Variants in SDK1 observed in about 807,000 individuals in gnomAD.
SDK1 encodes protein sidekick-1.
In SDK1, 157 loss-of-function variants were observed where a neutral mutation model predicts 245.5. That is an observed-to-expected ratio of 0.64 (90% CI 0.56 to 0.73). SDK1 has a LOEUF of 0.73. Among genes scored for constraint, SDK1 ranks in the 30% least tolerant of loss-of-function variants. The pLI, the probability that SDK1 is intolerant of heterozygous loss-of-function variation, is 0.00. For synonymous variants in SDK1, 1,647 were observed against 1,278.5 expected, an observed-to-expected ratio of 1.29 and a Z score of -6.15; for missense variants, 3,583 against 3,002.3, an observed-to-expected ratio of 1.19 and a Z score of -4.52.
At chr7:3,636,614 C>T (rs1231721718) in intron 2 of SDK1, among the ~76,000 whole-genome samples, 2 of 152,214 alleles carry the variant, frequency 1.3e-5, no homozygotes, top group Non-Finnish European at 2.9e-5. Flanking sequence ...TCAGCAGACT[C>T]CTGGGTTGTT....
chr7:3,604,956 C>CAGGT (rs1781374467), intron 1 of SDK1, among the ~76,000 whole-genome samples: 1 of 151,932 alleles, frequency 6.6e-6, no homozygotes, highest in Admixed American at 6.6e-5. Context: ...ATTCAGTTTC[C>CAGGT]AGGTCTTTGG....
chr7:3,343,142 T>C (rs372645733), intron 1 of SDK1, among the ~76,000 whole-genome samples: 3 of 152,166 alleles, frequency 2.0e-5, no homozygotes, highest in African/African-American at 7.2e-5. Context: ...AGAACTATGA[T>C]ACAACTTGGC....
At chr7:4,138,257 C>G (rs531515132) in intron 28 of SDK1, among the ~76,000 whole-genome samples, 1 of 152,096 alleles carries the variant, frequency 6.6e-6, no homozygotes, top group African/African-American at 2.4e-5. Flanking sequence ...GAGGGGAGGG[C>G]GACCCCACTG....
chr7:3,464,203 G>A (rs919335193), intron 1 of SDK1, among the ~76,000 whole-genome samples: 6 of 152,170 alleles, frequency 3.9e-5, no homozygotes, highest in African/African-American at 1.4e-4. Context: ...TTTGGGGACA[G>A]AGTAACTTTT....
At chr7:3,318,777 T>C (rs1203123173) in intron 1 of SDK1, among the ~76,000 whole-genome samples, 1 of 152,214 alleles carries the variant, frequency 6.6e-6, no homozygotes, top group Non-Finnish European at 1.5e-5. Flanking sequence ...TTGTTGGTTT[T>C]AGTACTAGAA....
chr7:3,352,529 A>ACCAGCTGTGCCTGTAGT (rs1780687017), intron 1 of SDK1, among the ~76,000 whole-genome samples: 1 of 152,080 alleles, frequency 6.6e-6, no homozygotes, highest in Non-Finnish European at 1.5e-5. Flanking sequence ...AGGCTGATAG[A>ACCAGCTGTGCCTGTAGT]CCAGCTGTGC....
chr7:3,712,728 A>G (rs902482182), intron 4 of SDK1, among the ~76,000 whole-genome samples: 67 of 152,192 alleles, frequency 4.4e-4, no homozygotes, highest in African/African-American at 1.5e-3. Flanking sequence ...TGTTAGAGAA[A>G]TGGGTACAAG....
intron 19 of SDK1, among the ~76,000 whole-genome samples, chr7:4,060,914 CTTGT>C: frequency 6.6e-6 from 1 of 151,838 alleles, no homozygotes; most frequent in African/African-American, 2.4e-5. Context: ...TTACCCATTG[CTTGT>C]TTTTCTCAGG....
At chr7:3,937,841 CT>C (rs1260657188) in intron 5 of SDK1, among the ~76,000 whole-genome samples, 7 of 150,206 alleles carry the variant, frequency 4.7e-5, no homozygotes, top group South Asian at 2.1e-4. Flanking sequence ...AAGAGCATTT[CT>C]TTTTTTTTTC....
intron 1 of SDK1, among the ~76,000 whole-genome samples, chr7:3,577,412 T>C (rs962843618): frequency 1.3e-5 from 2 of 152,046 alleles, no homozygotes; most frequent in African/African-American, 4.8e-5. Context: ...TGTCTGACCA[T>C]GCAGGTCTTC....
rs960136457 is a variant in SDK1, at chr7:3,342,597, GA to G, written c.298+40723del. ...GAGCGAAACTCCATCTCAAAAAAAA[GA>G]AAAAAAAAAGGAAGTCTTCAGAATC... On this transcript the variant is annotated intron_variant, in intron 1 of 44. Transcript: ENST00000404826. Among the ~76,000 whole-genome samples, 142 of 143,878 alleles carry G rather than the reference GA, an allele frequency of 9.9e-4. 3 individuals carry two copies. The highest frequency in any genetic ancestry group is 5.7e-3 in the East Asian group (28 of 4,914). 94.4% of individuals were successfully genotyped at this position (143,878 alleles called of 152,430 possible). A position where few individuals can be genotyped will look rare whatever the true frequency, so the allele number is the denominator to read the frequency against.
chr7:4,145,817 C>G lies in SDK1; in HGVS notation c.4324C>G (p.Leu1442Val). The G allele has an allele frequency of 6.2e-7, 1 of 1,613,938 alleles. No individual in the cohort carries two copies. Among genetic ancestry groups the G allele is most frequent in the Non-Finnish European group, 8.5e-7 (1 of 1,179,968 alleles). Residue 1442 changes from leucine (L) to valine (V), a missense_variant, in exon 29 of 45, where the codon CTG (leucine) becomes GTG (valine). Transcript: ENST00000404826. ...AGTGAGGCAGTTCACAGCCACCGAC[C>G]TGGCCCCGGAGTCCGCATACATCTT... ...ATVRQFTATD[L>V]APESAYIFRL...
At chr7:3,535,702 GT>G (rs1216967654) in intron 1 of SDK1, among the ~76,000 whole-genome samples, 5 of 152,082 alleles carry the variant, frequency 3.3e-5, no homozygotes, top group Admixed American at 1.3e-4. Context: ...TGTTTTCTGT[GT>G]ATGTATATGC....
At position 4,130,111 on chromosome 7, in the gene SDK1, T is replaced by C; in HGVS notation, c.4129+14T>C. The C allele has an allele frequency of 1.3e-6, 2 of 1,565,410 alleles. No individual in the cohort carries two copies. Among genetic ancestry groups the C allele is most frequent in the Non-Finnish European group, 1.7e-6 (2 of 1,149,742 alleles). On this transcript the variant is annotated intron_variant, in intron 27 of 44. Coordinates refer to ENST00000404826, the MANE Select transcript of SDK1 (RefSeq NM_152744.4). ...CCAAAGACGATGGTAGGTCCAGGGT[T>C]CGCGCCTTCGGGAGCCTTGCTGCCT... is the stretch of plus-strand genomic sequence containing the variant.
At chr7:3,440,348 G>A (rs1780158719) in intron 1 of SDK1, among the ~76,000 whole-genome samples, 2 of 152,158 alleles carry the variant, frequency 1.3e-5, no homozygotes, top group African/African-American at 4.8e-5. Context: ...GGTTGGTGCA[G>A]GCTATACAGT....
chr7:3,623,042 A>G (rs549668237), intron 2 of SDK1, among the ~76,000 whole-genome samples: 25 of 152,276 alleles, frequency 1.6e-4, no homozygotes, highest in Non-Finnish European at 2.9e-4. Context: ...CAAATGAAAA[A>G]AACATGGATA....
At chr7:4,065,694 G>GTTGTTGTT (rs1779841876) in intron 19 of SDK1, among the ~76,000 whole-genome samples, 1 of 66,718 alleles carries the variant, frequency 1.5e-5, no homozygotes, top group African/African-American at 3.4e-5. Context: ...AGTGGTTGTT[G>GTTGTTGTT]TTTTTTTTTT....
Position 4,268,285 on chromosome 7 carries a change from C to T in SDK1, c.*2901C>T. 2 of 1,024,554 alleles carry T rather than the reference C, an allele frequency of 2.0e-6. No homozygotes were observed. The highest frequency in any genetic ancestry group is 2.3e-6 in the Non-Finnish European group (2 of 853,222). 63.5% of individuals were successfully genotyped at this position (1,024,554 alleles called of 1,614,324 possible). On this transcript the variant is annotated 3_prime_UTR_variant, in exon 45 of 45. Transcript: ENST00000404826. The stretch of plus-strand genomic sequence containing the variant: ...GAGCCACAGGGATGGGTGTGCAGAG[C>T]TCCCTCCTCCTGGGGTGCCAGGGCA...
intron 14 of SDK1, among the ~76,000 whole-genome samples, chr7:3,996,292 A>G (rs1223622439): frequency 6.6e-6 from 1 of 152,116 alleles, no homozygotes; most frequent in African/African-American, 2.4e-5. Context: ...TAATTGCTTT[A>G]CTTCCAAAAG....
Sources: allele counts gnomAD v4.1 joint callset (sites outside exome capture counted in the v4.1 genomes callset), GRCh38; gene constraint gnomAD v4.1.1; transcripts MANE v1.5; gene names NCBI Gene and HGNC (gene_info 2026-07-23, HGNC 2026-07-21).